MILR1: variants seen among roughly 807,000 people sequenced by gnomAD.
MILR1 encodes allergin-1.
Under a neutral mutation model 18.5 loss-of-function variants are expected in MILR1, and 31 were observed. That is an observed-to-expected ratio of 1.68 (90% confidence interval 1.26 to 2.26). MILR1 has a LOEUF of 2.26. MILR1 is among the 30% of genes most tolerant of loss of function. The pLI, the probability that MILR1 is intolerant of heterozygous loss-of-function variation, is 0.00. For missense variants in MILR1, 257 were observed against 157.4 expected (o/e 1.63, Z -3.38); for synonymous variants, 85 against 56.2 (o/e 1.51, Z -2.30).
chr17:64,491,771 G>T, the MILR1 span: 2 of 642,588 alleles, frequency 3.1e-6, no homozygotes, highest in South Asian at 1.4e-5. Flanking sequence ...AGCACGAGCG[G>T]CTATGCAAGT....
chr17:64,491,009 T>C, the MILR1 span: 1 of 1,431,108 alleles, frequency 7.0e-7, no homozygotes, highest in Non-Finnish European at 9.9e-7. Context: ...CATATTTAAA[T>C]AAACACTAAT....
rs973363089 is a variant in MILR1 at position 64,463,559 on chromosome 17, A to G, written c.764-1893A>G. On this transcript the variant is annotated intron_variant, in intron 5 of 9. Coordinates refer to ENST00000619286, the MANE Select transcript of MILR1 (RefSeq NM_001085423.2). ...ATTGTCAGAACTGGCAAGAGAACCA[A>G]TTGAGAACCATCTCCAGAGAGTCAC... Among the ~76,000 whole-genome samples, 9 of 152,328 alleles carry G rather than the reference A, an allele frequency of 5.9e-5. No individual in the cohort carries two copies. In the South Asian group the frequency reaches 8.3e-4, roughly 14 times the overall value.
chr17:64,452,319 T>A (rs1200379734), intron 2 of MILR1, among the ~76,000 whole-genome samples: 6 of 152,100 alleles, frequency 3.9e-5, no homozygotes, highest in Admixed American at 2.6e-4. Flanking sequence ...AGTGGCATGA[T>A]CTTGGCTCAC....
the MILR1 span, among the ~76,000 whole-genome samples, chr17:64,480,607 C>G: frequency 6.6e-6 from 1 of 152,134 alleles, no homozygotes. Flanking sequence ...AAGCTGAATA[C>G]TAAATGCCAA....
At chr17:64,485,817 C>A in the MILR1 span, 4 of 1,613,202 alleles carry the variant, frequency 2.5e-6, no homozygotes, top group Non-Finnish European at 3.4e-6. Flanking sequence ...CGGTCTAGGT[C>A]CCCATTTACA....
the MILR1 span, chr17:64,490,516 A>G: frequency 4.7e-6 from 2 of 421,918 alleles, no homozygotes; most frequent in Admixed American, 7.5e-5. Context: ...GAAGGAGTGT[A>G]AAGGCATATG....
At chr17:64,451,981 T>A (rs2037181784) in intron 2 of MILR1, among the ~76,000 whole-genome samples, 1 of 151,644 alleles carries the variant, frequency 6.6e-6, no homozygotes, top group Non-Finnish European at 1.5e-5. Flanking sequence ...ATGTTAATTG[T>A]CCAGATCAAA....
Position 64,457,600 on chromosome 17 carries a change from G to T in MILR1, c.568G>T (p.Glu190Ter), listed in dbSNP as rs2037330004. The T allele has an allele frequency of 4.2e-6, 2 of 475,286 alleles. No homozygotes were observed. The highest frequency in any genetic ancestry group is 7.7e-6 in the Non-Finnish European group (2 of 259,082). 29.4% of individuals were successfully genotyped at this position (475,286 alleles called of 1,614,324 possible). Residue 190 changes from glutamate (E) to a stop codon, truncating the protein, a stop_gained, in exon 4 of 10, where the codon GAA (glutamate) becomes TAA (stop). Transcript: ENST00000619286. LOFTEE classifies it high-confidence loss of function. ...TAACTTAACCAAGAAGAATCCTGGA[G>T]AAGAGGAAGAGTATAGGTGTGAAGC... ...EFNLTKKNPGEEEEYRCEAKN... is the reference protein window; with the variant it reads ...EFNLTKKNPG
chr17:64,497,345 G>GT, the MILR1 span, among the ~76,000 whole-genome samples: 4 of 152,214 alleles, frequency 2.6e-5, no homozygotes, highest in Non-Finnish European at 5.9e-5. Flanking sequence ...AAATACTTCA[G>GT]TATTATCCAA....
In MILR1 at chr17:64,465,334, C is replaced by T; in HGVS notation, c.764-118C>T. ...TCCTTTGTTAGACAACAGTTTGGGC[C>T]ATTGGAGCAAGTCACTCTCTGTTTC... On this transcript the variant is annotated intron_variant, in intron 5 of 9. Coordinates refer to ENST00000619286, the MANE Select transcript of MILR1 (RefSeq NM_001085423.2). 3 of 720,310 alleles carry T rather than the reference C, an allele frequency of 4.2e-6. No individual in the cohort carries two copies. The East Asian group carries it at 8.2e-5, about 20-fold the overall frequency. The allele number at this position is 720,310 out of a possible 1,614,324, so 44.6% of individuals were successfully genotyped here. A position where few individuals can be genotyped will look rare whatever the true frequency, so the allele number is the denominator to read the frequency against.
chr17:64,469,921 T>C (rs2037662245), downstream of MILR1, among the ~76,000 whole-genome samples: 2 of 152,156 alleles, frequency 1.3e-5, no homozygotes, highest in African/African-American at 2.4e-5. Context: ...AGGATGGATC[T>C]TAAAGAAGAC....
At chr17:64,468,832 C>A (rs1555664042), downstream of MILR1, among the ~76,000 whole-genome samples, 1 of 151,972 alleles carries the variant, frequency 6.6e-6, no homozygotes, top group African/African-American at 2.4e-5. Flanking sequence ...CGCCTATAAT[C>A]CCAGCACTTT....
At chr17:64,494,569 C>T in the MILR1 span, among the ~76,000 whole-genome samples, 2 of 152,094 alleles carry the variant, frequency 1.3e-5, no homozygotes, top group Non-Finnish European at 2.9e-5. Context: ...TAAGCTTTCT[C>T]TACCTCTTCC....
rs191086352 is a variant in MILR1 at position 64,465,539 on chromosome 17, C to A, written c.851C>A (p.Ala284Glu). ...GIYANILEKQAKEESVPEVGS... is the reference protein window; with the variant it reads ...GIYANILEKQEKEESVPEVGS... The stretch of plus-strand genomic sequence containing the variant: ...TATGCAAATATCCTTGAAAAACAAG[C>A]AAGTAAGAGAACTTTGTTGCGTGTT... The change falls in exon 6 of 10, where the codon GCA becomes GAA. Residue 284 changes from alanine to glutamate, a missense_variant and splice_region_variant. Ala to Glu is a moderately radical substitution (Grantham distance 107, BLOSUM62 -1). Coordinates refer to ENST00000619286, the MANE Select transcript of MILR1 (RefSeq NM_001085423.2). The A allele has an allele frequency of 3.2e-3, 5,134 of 1,604,596 alleles. 20 individuals carry two copies. The highest frequency in any genetic ancestry group is 3.6e-3 in the Non-Finnish European group (4,243 of 1,175,638).
At chr17:64,467,773 A>G in intron 9 of MILR1, 128 bp downstream of exon 9, 1 of 536,186 alleles carries the variant, frequency 1.9e-6, no homozygotes, top group Non-Finnish European at 3.4e-6. Context: ...CATCTCTACT[A>G]AAAATACAAA....
the MILR1 span, chr17:64,491,576 G>C: frequency 6.4e-7 from 1 of 1,551,882 alleles, no homozygotes; most frequent in Non-Finnish European, 8.9e-7. Context: ...TCAAACTAGG[G>C]GAGCTGCCAA....
chr17:64,487,245 C>T, the MILR1 span: 1 of 152,194 alleles, frequency 6.6e-6, no homozygotes, highest in Non-Finnish European at 1.5e-5. Context: ...CCCTCAAAGG[C>T]AGTAAACTTT....
downstream of MILR1, among the ~76,000 whole-genome samples, chr17:64,471,367 C>T (rs146330338): frequency 0.011 from 1,719 of 152,210 alleles, 23 homozygotes; most frequent in African/African-American, 0.036. Flanking sequence ...TGGTGTCCAA[C>T]GCTCACTGGT....
rs1029070142 is a variant in MILR1 at position 64,462,527 on chromosome 17, C to T, written c.763+1595C>T. Among the ~76,000 whole-genome samples, 10 of 151,926 alleles carry T rather than the reference C, an allele frequency of 6.6e-5. 1 individual carries two copies. The highest frequency in any genetic ancestry group is 5.3e-4 in the Admixed American group (8 of 15,222). On this transcript the variant is annotated intron_variant, in intron 5 of 9. Coordinates refer to ENST00000619286, the MANE Select transcript of MILR1 (RefSeq NM_001085423.2). ...ACAAACAAGCGTCATCCCATTAGCA[C>T]AAAAGACACCTTCAAAAGGTTTACA...
Sources: allele counts gnomAD v4.1 joint callset (sites outside exome capture counted in the v4.1 genomes callset), GRCh38; gene constraint gnomAD v4.1.1; transcripts MANE v1.5; gene names NCBI Gene and HGNC (gene_info 2026-07-23, HGNC 2026-07-21).